The following RPRD2 variants were observed in gnomAD, a reference collection of about 807,000 sequenced individuals.
RPRD2 encodes regulation of nuclear pre-mRNA domain containing 2.
A neutral mutation model predicts 104.4 loss-of-function variants in RPRD2; 12 were observed. The observed-to-expected ratio is 0.11, with a 90% CI of 0.07 to 0.19. RPRD2 has a LOEUF of 0.19. Ranked by LOEUF, RPRD2 falls within the 10% of genes least tolerant of loss-of-function variation. The pLI, the probability that RPRD2 is intolerant of heterozygous loss-of-function variation, is 1.00. For synonymous variants in RPRD2, 714 were observed against 684.9 expected (o/e 1.04, Z -0.66); for missense variants, 1,543 against 1,790.1 (o/e 0.86, Z 2.49).
chr1:150,467,549 T>A (rs962079319), intron 10 of RPRD2, among the ~76,000 whole-genome samples: 5 of 152,010 alleles, frequency 3.3e-5, no homozygotes, highest in Admixed American at 1.3e-4. Flanking sequence ...AATTTTTGTA[T>A]TTTTAGTAGA....
At chr1:150,380,574 C>T (rs12123044) in intron 1 of RPRD2, among the ~76,000 whole-genome samples, 12,470 of 152,124 alleles carry the variant, frequency 0.082, 679 homozygotes, top group Non-Finnish European at 0.12. Context: ...CCTTGAACTT[C>T]TGACCTCAGG....
At chr1:150,392,248 T>C (rs113635846) in intron 1 of RPRD2, among the ~76,000 whole-genome samples, 3,900 of 151,794 alleles carry the variant, frequency 0.026, 165 homozygotes, top group African/African-American at 0.088. Context: ...GGCTCACGCC[T>C]GTAATCCTAG....
intron 7 of RPRD2, among the ~76,000 whole-genome samples, chr1:150,446,869 C>G (rs79532772): frequency 0.14 from 19,337 of 134,796 alleles, 1,676 homozygotes; most frequent in Non-Finnish European, 0.2. Context: ...GTTTGTCGCT[C>G]TTGTTGCCCA....
chr1:150,470,939 C>T lies in RPRD2; in HGVS notation c.1991C>T (p.Thr664Ile), dbSNP rs1178914004. ...VSKPKLESES[T>I]SPSLEMKIHN... Reference sequence around the variant, plus strand: ...AAGCCAAAGCTGGAGTCAGAGTCCACCTCCCCAAGCCTGGAAATGAAGATT... The same window carrying T: ...AAGCCAAAGCTGGAGTCAGAGTCCATCTCCCCAAGCCTGGAAATGAAGATT... The change falls in exon 11 of 11, where the codon ACC becomes ATC. Residue 664 changes from threonine (T) to isoleucine (I), a missense_variant. Physicochemically the swap from Thr to Ile is moderately conservative, Grantham distance 89 (BLOSUM62 -1). Transcript: ENST00000369068. The T allele has an allele frequency of 6.2e-7, 1 of 1,614,018 alleles. No individual in the cohort carries two copies. Among genetic ancestry groups the T allele is most frequent in the Admixed American group, 1.7e-5 (1 of 60,028 alleles).
intron 1 of RPRD2, among the ~76,000 whole-genome samples, chr1:150,390,062 A>G (rs1661950413): frequency 6.6e-6 from 1 of 152,240 alleles, no homozygotes; most frequent in Admixed American, 6.5e-5. Flanking sequence ...GGCTTTCAGA[A>G]TTCCCATAGA....
At position 150,470,433 on chromosome 1, in the gene RPRD2, C is replaced by T. The variant is rs896222975; in HGVS notation, c.1613-128C>T. The T allele has an allele frequency of 5.5e-6, 5 of 905,270 alleles. No individual in the cohort carries two copies. In the African/African-American group the frequency reaches 6.7e-5, roughly 12 times the overall value. The allele number at this position is 905,270 out of a possible 1,614,324, so 56.1% of individuals were successfully genotyped here. ...GCCATTGCTTGTTTGGTCTGGATTCCTTTTGGCCTTACACTTTGTCTATCT... is the reference window on the plus strand; with the variant it reads ...GCCATTGCTTGTTTGGTCTGGATTCTTTTTGGCCTTACACTTTGTCTATCT... On this transcript the variant is annotated intron_variant, in intron 10 of 10. Transcript: ENST00000369068.
In RPRD2 at chr1:150,472,369, G is replaced by A. The variant is rs1226147568; in HGVS notation, c.3421G>A (p.Gly1141Ser). 6.2e-7 allele frequency: 1 copy of A among 1,613,976 alleles called. No homozygotes were observed. Among genetic ancestry groups the A allele is most frequent in the South Asian group, 1.1e-5 (1 of 91,084 alleles). The change falls in exon 11 of 11, where the codon GGC becomes AGC. Residue 1141 changes from glycine to serine, a missense_variant. Transcript: ENST00000369068. ...CACATCAGGTAGCTCTTTTGACAATGGCCCTTCAAGTGCCTCTGAGTTGGC... is the reference window on the plus strand; with the variant it reads ...CACATCAGGTAGCTCTTTTGACAATAGCCCTTCAAGTGCCTCTGAGTTGGC... ...LSTSGSSFDNGPSSASELASL... is the reference protein window; with the variant it reads ...LSTSGSSFDNSPSSASELASL...
intron 7 of RPRD2, among the ~76,000 whole-genome samples, chr1:150,453,064 G>A (rs140633783): frequency 4.3e-5 from 6 of 140,650 alleles, no homozygotes; most frequent in East Asian, 2.1e-4. Flanking sequence ...ACGGAGCCTC[G>A]TGCTGTTGCC....
intron 1 of RPRD2, among the ~76,000 whole-genome samples, chr1:150,399,380 G>T (rs1354917785): frequency 6.6e-6 from 1 of 152,044 alleles, no homozygotes; most frequent in East Asian, 1.9e-4. Flanking sequence ...TTTTAAAATG[G>T]GTATCCAATT....
intron 8 of RPRD2, 78 bp downstream of exon 8, chr1:150,457,648 G>C: frequency 8.4e-7 from 1 of 1,193,062 alleles, no homozygotes. Flanking sequence ...TCACAGGCAG[G>C]TATTGAAAGA....
At chr1:150,377,276 C>T (rs1483789774) in intron 1 of RPRD2, among the ~76,000 whole-genome samples, 1 of 151,004 alleles carries the variant, frequency 6.6e-6, no homozygotes, top group Non-Finnish European at 1.5e-5. Context: ...GTATTGGGTG[C>T]TGAAAGAGAT....
At chr1:150,457,591 T>C (rs1667621294) in intron 8 of RPRD2, 21 bp downstream of exon 8, 2 of 1,604,078 alleles carry the variant, frequency 1.2e-6, no homozygotes, top group South Asian at 1.1e-5. Flanking sequence ...ATGTGATTAA[T>C]AGACAACTTA....
intron 1 of RPRD2, among the ~76,000 whole-genome samples, chr1:150,374,156 G>A (rs1660535061): frequency 6.6e-6 from 1 of 152,146 alleles, no homozygotes; most frequent in Non-Finnish European, 1.5e-5. Context: ...AGAGCTGAAG[G>A]GGTAAACTGA....
chr1:150,400,395 A>AT (rs1163249519), intron 1 of RPRD2, among the ~76,000 whole-genome samples: 1 of 152,138 alleles, frequency 6.6e-6, no homozygotes, highest in Admixed American at 6.6e-5. Flanking sequence ...TTCTAGGATG[A>AT]TGGTGGCAGC....
Position 150,472,882 on chromosome 1 carries a change from C to T in RPRD2, c.3934C>T (p.Leu1312=). ...SGVVPFPAPP[L]AEHGVAGAVA... is the part of the protein sequence containing the mutation. ...AGTTGTACCCTTCCCAGCCCCACCA[C>T]TGGCAGAGCACGGAGTGGCAGGGGC... Residue 1312 remains leucine, a synonymous_variant, in exon 11 of 11, where the codon CTG becomes TTG. Coordinates refer to ENST00000369068, the MANE Select transcript of RPRD2 (RefSeq NM_015203.5). 1 of 1,613,338 alleles carries T rather than the reference C, an allele frequency of 6.2e-7. No homozygotes were observed. The highest frequency in any genetic ancestry group is 8.5e-7 in the Non-Finnish European group (1 of 1,179,534).
At chr1:150,438,398 G>T (rs1666167302) in intron 2 of RPRD2, among the ~76,000 whole-genome samples, 1 of 152,086 alleles carries the variant, frequency 6.6e-6, no homozygotes, top group African/African-American at 2.4e-5. Context: ...GGCCAAGGCG[G>T]GCAGATCACT....
At chr1:150,427,729 G>T (rs1475760743) in intron 2 of RPRD2, among the ~76,000 whole-genome samples, 2 of 152,106 alleles carry the variant, frequency 1.3e-5, no homozygotes, top group Non-Finnish European at 2.9e-5. Context: ...AGCCCAGGAG[G>T]TCAAGGCTGC....
At chr1:150,408,061 A>C (rs1663616296) in intron 1 of RPRD2, among the ~76,000 whole-genome samples, 1 of 151,346 alleles carries the variant, frequency 6.6e-6, no homozygotes, top group African/African-American at 2.4e-5. Flanking sequence ...GGTGTGAGCC[A>C]CCACACCTGG....
In RPRD2 at chr1:150,472,566, G is replaced by T. The variant is rs770087242; in HGVS notation, c.3618G>T (p.Gln1206His). Residue 1206 changes from glutamine (Q) to histidine (H), a missense_variant, in exon 11 of 11, where the codon CAG becomes CAT. Transcript: ENST00000369068. Reference protein sequence around the residue: ...PSPLEHGTPFQREPVGPSSAP... With the variant: ...PSPLEHGTPFHREPVGPSSAP... ...CCTTGGAACATGGGACACCCTTCCAGAGAGAGCCAGTGGGGCCATCATCTG... is the reference window on the plus strand; with the variant it reads ...CCTTGGAACATGGGACACCCTTCCATAGAGAGCCAGTGGGGCCATCATCTG... 6.2e-7 allele frequency: 1 copy of T among 1,613,940 alleles called. No individual in the cohort carries two copies. Among genetic ancestry groups the T allele is most frequent in the Non-Finnish European group, 8.5e-7 (1 of 1,179,870 alleles).
Sources: gnomAD v4.1 joint callset for allele counts (sites outside exome capture counted in the v4.1 genomes callset) on GRCh38, gnomAD v4.1.1 for gene constraint, MANE v1.5 for transcripts, NCBI Gene and HGNC (gene_info 2026-07-23, HGNC 2026-07-21) for gene names.